Variants in VXN observed in about 807,000 individuals in gnomAD.
VXN encodes vexin, also known as uncharacterized protein C8orf46.
Under a neutral mutation model 23.1 loss-of-function variants are expected in VXN, and 7 were observed. The ratio of observed to expected loss-of-function variants is 0.30; its 90% confidence interval spans 0.17 to 0.57. The LOEUF (loss-of-function observed/expected upper bound fraction) is 0.57, where lower values mean the gene tolerates loss of function less well. Among genes scored for constraint, VXN ranks in the 20% least tolerant of loss-of-function variants. VXN has a pLI of 0.91. For synonymous variants in VXN, 120 were observed against 105.8 expected, an observed-to-expected ratio of 1.13 and a Z score of -0.83; for missense variants, 238 against 272.6, an observed-to-expected ratio of 0.87 and a Z score of 0.89.
chr8:66,499,384 C>T (rs1563505702), intron 2 of VXN, among the ~76,000 whole-genome samples: 2 of 151,718 alleles, frequency 1.3e-5, no homozygotes, highest in Non-Finnish European at 2.9e-5. Flanking sequence ...AGGCATGAGC[C>T]ACCATGCCCA....
At chr8:66,494,036 A>G (rs1207122041) in intron 1 of VXN, among the ~76,000 whole-genome samples, 1 of 152,176 alleles carries the variant, frequency 6.6e-6, no homozygotes. Flanking sequence ...ACAAAATCCC[A>G]GGGTAGCTAG....
intron 1 of VXN, chr8:66,494,978 G>A (rs1354471842): frequency 6.6e-6 from 1 of 152,204 alleles, no homozygotes; most frequent in African/African-American, 2.4e-5. Context: ...GTAGATCTAA[G>A]CATAATGCTG....
At chr8:66,506,987 C>T (rs1807767348) in intron 3 of VXN, among the ~76,000 whole-genome samples, 2 of 152,124 alleles carry the variant, frequency 1.3e-5, no homozygotes, top group Admixed American at 1.3e-4. Context: ...TCTATAAAAT[C>T]ATAAAGTGAA....
intron 2 of VXN, among the ~76,000 whole-genome samples, chr8:66,497,152 G>A (rs921156552): frequency 2.0e-5 from 3 of 152,090 alleles, no homozygotes; most frequent in African/African-American, 7.2e-5. Context: ...CAAAGTGCTG[G>A]GATTACAGGC....
chr8:66,503,666 AC>A (rs1807715743), intron 2 of VXN: 1 of 152,132 alleles, frequency 6.6e-6, no homozygotes, highest in African/African-American at 2.4e-5. Flanking sequence ...ATCCCATACC[AC>A]CATCCTAATT....
At chr8:66,510,448 C>A (rs969737875) in intron 4 of VXN, 1 of 304,824 alleles carries the variant, frequency 3.3e-6, no homozygotes, top group Non-Finnish European at 6.1e-6. Context: ...GGGGTGGGGG[C>A]AGGATGGACT....
chr8:66,496,564 C>A, intron 2 of VXN, 72 bp downstream of exon 2: 1 of 1,382,120 alleles, frequency 7.2e-7, no homozygotes, highest in Non-Finnish European at 1.0e-6. Context: ...TTCTTCTTCA[C>A]TCTCGCTCCC....
At position 66,513,657 on chromosome 8, in the gene VXN, C is replaced by T. The variant is rs1314601623; in HGVS notation, c.440+20C>T. The T allele has an allele frequency of 2.5e-6, 4 of 1,600,890 alleles. No homozygotes were observed. Among genetic ancestry groups the T allele is most frequent in the Non-Finnish European group, 3.4e-6 (4 of 1,168,360 alleles). ...GAGAGGGTAAGTGCTGCGTCTCTGG[C>T]CCCACTGCCTGTGGCCTCCCACTGT... On this transcript the variant is annotated intron_variant, in intron 5 of 5. Coordinates refer to ENST00000305454, the MANE Select transcript of VXN (RefSeq NM_152765.4).
chr8:66,499,709 C>A (rs773154601), intron 2 of VXN, among the ~76,000 whole-genome samples: 3 of 152,056 alleles, frequency 2.0e-5, no homozygotes, highest in African/African-American at 7.2e-5. Context: ...GAACTCACCA[C>A]CACGCCCAGC....
In VXN at chr8:66,516,078, G is replaced by T; in HGVS notation, c.*2G>T. 6.2e-7 allele frequency: 1 copy of T among 1,602,874 alleles called. No individual in the cohort carries two copies. ...AACAGCGCCTTTGAGGCCGACTAAA[G>T]GTGACCCTCTTCAAGTGCCCTGTGT... is the stretch of plus-strand genomic sequence containing the variant. On this transcript the variant is annotated 3_prime_UTR_variant, in exon 6 of 6. Coordinates refer to ENST00000305454, the MANE Select transcript of VXN (RefSeq NM_152765.4).
At chr8:66,514,718 C>T (rs1453564951) in intron 5 of VXN, among the ~76,000 whole-genome samples, 3 of 152,230 alleles carry the variant, frequency 2.0e-5, no homozygotes, top group African/African-American at 4.8e-5. Context: ...GCATGAGCCT[C>T]CACACCTGGC....
chr8:66,508,647 G>A (rs1003083278), intron 3 of VXN, among the ~76,000 whole-genome samples: 6 of 152,118 alleles, frequency 3.9e-5, no homozygotes, highest in Admixed American at 6.5e-5. Context: ...TCTCCTAGCC[G>A]GGGTAGAGGG....
intron 2 of VXN, among the ~76,000 whole-genome samples, chr8:66,500,589 C>T (rs558890046): frequency 6.6e-6 from 1 of 152,180 alleles, no homozygotes; most frequent in Admixed American, 6.5e-5. Flanking sequence ...GAGTATATTG[C>T]ATGATGCTGA....
rs758912424 is a variant in VXN at position 66,496,419 on chromosome 8, T to C, written c.71-18T>C. Reference sequence around the variant, plus strand: ...GCTGATGTTGTCTAAAACCATTTCTTTCTCTCTGTCTTTGCAGTATCCAGT... The same window carrying C: ...GCTGATGTTGTCTAAAACCATTTCTCTCTCTCTGTCTTTGCAGTATCCAGT... On this transcript the variant is annotated intron_variant, in intron 1 of 5. Transcript: ENST00000305454. 6.2e-7 allele frequency: 1 copy of C among 1,613,610 alleles called. No individual in the cohort carries two copies. The highest frequency in any genetic ancestry group is 1.1e-5 in the South Asian group (1 of 91,054).
intron 2 of VXN, 93 bp downstream of exon 2, chr8:66,496,585 T>C (rs1264426764): frequency 8.4e-6 from 10 of 1,191,184 alleles, no homozygotes; most frequent in Non-Finnish European, 1.2e-5. Context: ...CAGCTCTCAG[T>C]GGCCAGGAGG....
At chr8:66,508,508 G>A (rs1005904711) in intron 3 of VXN, among the ~76,000 whole-genome samples, 4 of 152,090 alleles carry the variant, frequency 2.6e-5, no homozygotes, top group South Asian at 2.1e-4. Context: ...GTTCTATCAC[G>A]TAGAACAGCC....
At chr8:66,500,329 C>T (rs1807676549) in intron 2 of VXN, among the ~76,000 whole-genome samples, 1 of 152,122 alleles carries the variant, frequency 6.6e-6, no homozygotes, top group African/African-American at 2.4e-5. Flanking sequence ...ATACCTTTTC[C>T]AGAACAGCTG....
intron 2 of VXN, among the ~76,000 whole-genome samples, chr8:66,501,862 T>G (rs1424848203): frequency 6.6e-6 from 1 of 152,232 alleles, no homozygotes; most frequent in Non-Finnish European, 1.5e-5. Flanking sequence ...TTGGCTTCCC[T>G]TTGAGTCTTT....
rs911483134 is a variant in VXN at position 66,512,964 on chromosome 8, G to A, written c.343-576G>A. ...AATCTGCCCTGCAAGGTGGGTGGGCGGGGTTGGAGTGCCTTATGCTTCTAC... is the reference window on the plus strand; with the variant it reads ...AATCTGCCCTGCAAGGTGGGTGGGCAGGGTTGGAGTGCCTTATGCTTCTAC... On this transcript the variant is annotated intron_variant, in intron 4 of 5. Coordinates refer to ENST00000305454, the MANE Select transcript of VXN (RefSeq NM_152765.4). Among the ~76,000 whole-genome samples the A allele has an allele frequency of 3.3e-5, 5 of 152,276 alleles. No homozygotes were observed. The South Asian group carries it at 8.3e-4, about 25-fold the overall frequency.
Sources: allele counts gnomAD v4.1 joint callset (sites outside exome capture counted in the v4.1 genomes callset), GRCh38; gene constraint gnomAD v4.1.1; transcripts MANE v1.5; gene names NCBI Gene and HGNC (gene_info 2026-07-23, HGNC 2026-07-21).